PARD3: variants seen among roughly 807,000 people sequenced by gnomAD.
PARD3 encodes the protein partitioning defective 3 homolog.
Under a neutral mutation model 155.4 loss-of-function variants are expected in PARD3, and 75 were observed. That is an observed-to-expected ratio of 0.48 (90% CI 0.40 to 0.58). PARD3 has a LOEUF of 0.58. Among genes scored for constraint, PARD3 ranks in the 20% least tolerant of loss-of-function variants. The probability of loss-of-function intolerance (pLI) is 0.00; values close to 1 mark genes in which losing one functional copy is unlikely to be tolerated. For missense variants in PARD3, 1,642 were observed against 1,721.7 expected, an observed-to-expected ratio of 0.95 and a Z score of 0.82; for synonymous variants, 576 against 610.5, an observed-to-expected ratio of 0.94 and a Z score of 0.83.
At chr10:34,498,377 T>C (rs2080433603) in intron 3 of PARD3, among the ~76,000 whole-genome samples, 1 of 152,238 alleles carries the variant, frequency 6.6e-6, no homozygotes, top group Non-Finnish European at 1.5e-5. Context: ...TTCATTTATT[T>C]AAGACATATT....
intron 22 of PARD3, among the ~76,000 whole-genome samples, chr10:34,218,534 C>T (rs1011819766): frequency 2.4e-4 from 36 of 152,160 alleles, no homozygotes; most frequent in Non-Finnish European, 4.1e-4. Context: ...AAGTAACAGA[C>T]GGACTACTTA....
At chr10:34,528,765 T>C (rs2082642266) in intron 2 of PARD3, among the ~76,000 whole-genome samples, 1 of 152,174 alleles carries the variant, frequency 6.6e-6, no homozygotes, top group African/African-American at 2.4e-5. Context: ...TTAACTTGCA[T>C]TTATTCTGCA....
At chr10:34,154,863 A>G (rs771499501) in intron 22 of PARD3, among the ~76,000 whole-genome samples, 8 of 152,154 alleles carry the variant, frequency 5.3e-5, no homozygotes, top group Admixed American at 3.3e-4. Context: ...AACTACTATA[A>G]ACATATTTTT....
At chr10:34,228,113 G>T (rs112167990) in intron 22 of PARD3, among the ~76,000 whole-genome samples, 1,556 of 151,672 alleles carry the variant, frequency 0.01, 45 homozygotes, top group African/African-American at 0.036. Flanking sequence ...GTCCTTTACA[G>T]CAACACAGAT....
chr10:34,487,082 A>G (rs2079528849), intron 3 of PARD3, among the ~76,000 whole-genome samples: 2 of 152,152 alleles, frequency 1.3e-5, no homozygotes, highest in Admixed American at 6.5e-5. Flanking sequence ...CCATTTTTGT[A>G]TCCTCTGTGA....
chr10:34,814,798 C>A (rs532073533), intron 1 of PARD3, 78 bp downstream of exon 1: 9 of 1,245,604 alleles, frequency 7.2e-6, no homozygotes, highest in Admixed American at 4.7e-5. Flanking sequence ...CTCTCCTCCC[C>A]CTTCCAGGAA....
chr10:34,561,852 C>A (rs1391358591), intron 2 of PARD3, among the ~76,000 whole-genome samples: 1 of 151,738 alleles, frequency 6.6e-6, no homozygotes, highest in South Asian at 2.1e-4. Context: ...AACTCTCAGC[C>A]CAGTATGGTG....
At chr10:34,687,412 G>C (rs1017042784) in intron 2 of PARD3, among the ~76,000 whole-genome samples, 2 of 152,006 alleles carry the variant, frequency 1.3e-5, no homozygotes, top group Admixed American at 1.3e-4. Flanking sequence ...TAACGGAACT[G>C]GCCAAATCAC....
At chr10:34,272,846 T>C (rs774616922) in intron 21 of PARD3, among the ~76,000 whole-genome samples, 1 of 152,070 alleles carries the variant, frequency 6.6e-6, no homozygotes, top group Non-Finnish European at 1.5e-5. Flanking sequence ...GAAGAGGACA[T>C]ATGGATGACA....
chr10:34,262,662 C>G (rs149874291), intron 22 of PARD3, among the ~76,000 whole-genome samples: 9 of 152,190 alleles, frequency 5.9e-5, no homozygotes, highest in Non-Finnish European at 1.3e-4. Context: ...AGGTTTGAGA[C>G]GTTCAAGCTG....
chr10:34,730,601 C>T (rs190786750), intron 1 of PARD3, among the ~76,000 whole-genome samples: 8 of 152,208 alleles, frequency 5.3e-5, no homozygotes, highest in East Asian at 1.9e-4. Context: ...CTGGCCAATA[C>T]GGCAAGCCAT....
intron 2 of PARD3, among the ~76,000 whole-genome samples, chr10:34,546,559 C>T (rs929868745): frequency 8.0e-5 from 12 of 150,632 alleles, no homozygotes; most frequent in African/African-American, 2.9e-4. Flanking sequence ...TTTTTTGAGA[C>T]CCGAGTCTCA....
At chr10:34,274,139 T>C (rs1254511681) in intron 21 of PARD3, among the ~76,000 whole-genome samples, 1 of 152,162 alleles carries the variant, frequency 6.6e-6, no homozygotes, top group Non-Finnish European at 1.5e-5. Context: ...AAGTTAGAAA[T>C]TTTTATCAGG....
intron 3 of PARD3, among the ~76,000 whole-genome samples, chr10:34,492,422 C>T (rs899641186): frequency 1.3e-5 from 2 of 152,136 alleles, no homozygotes; most frequent in Non-Finnish European, 2.9e-5. Context: ...ACAAAAAGGG[C>T]TTACCTTCTA....
chr10:34,195,587 C>T (rs1273077638), intron 22 of PARD3, among the ~76,000 whole-genome samples: 1 of 152,198 alleles, frequency 6.6e-6, no homozygotes, highest in East Asian at 1.9e-4. Context: ...ACACATTCTC[C>T]ATCCTCAAGA....
chr10:34,338,551 A>G (rs1007710525), intron 16 of PARD3, among the ~76,000 whole-genome samples: 5 of 152,304 alleles, frequency 3.3e-5, no homozygotes, highest in African/African-American at 1.2e-4. Flanking sequence ...TGAATTTATG[A>G]TAGTCTTCCT....
chr10:34,735,416 T>C (rs11009904), intron 1 of PARD3, among the ~76,000 whole-genome samples: 19,479 of 152,164 alleles, frequency 0.13, 1,852 homozygotes, highest in East Asian at 0.4. Flanking sequence ...TTACAGGACT[T>C]CTCACTAGCT....
intron 1 of PARD3, among the ~76,000 whole-genome samples, chr10:34,794,796 T>A (rs962621823): frequency 5.9e-5 from 9 of 152,266 alleles, no homozygotes; most frequent in African/African-American, 2.2e-4. Context: ...ATACATTTTA[T>A]TGCCCTTGCC....
intron 1 of PARD3, among the ~76,000 whole-genome samples, chr10:34,723,283 G>A (rs951469681): frequency 1.4e-4 from 21 of 152,190 alleles, no homozygotes; most frequent in African/African-American, 4.8e-4. Flanking sequence ...AACAGAGCGA[G>A]GCTCTGTCTG....
Sources: allele counts gnomAD v4.1 joint callset (sites outside exome capture counted in the v4.1 genomes callset), GRCh38; gene constraint gnomAD v4.1.1; transcripts MANE v1.5; gene names NCBI Gene and HGNC (gene_info 2026-07-23, HGNC 2026-07-21).